SPAG17: variants seen among roughly 807,000 people sequenced by gnomAD.
The protein encoded by SPAG17 is sperm associated antigen 17.
Under a neutral mutation model 273.6 loss-of-function variants are expected in SPAG17, and 169 were observed. The ratio of observed to expected loss-of-function variants is 0.62; its 90% CI spans 0.55 to 0.70. The LOEUF (loss-of-function observed/expected upper bound fraction) is 0.70. Among genes scored for constraint, SPAG17 ranks in the 30% least tolerant of loss-of-function variants. SPAG17 has a pLI of 0.00. For synonymous variants in SPAG17, 825 were observed against 873.2 expected (o/e 0.94, Z 0.97); for missense variants, 2,557 against 2,627.8 (o/e 0.97, Z 0.59).
chr1:118,043,848 T>C (rs1013562982), intron 20 of SPAG17, among the ~76,000 whole-genome samples: 2 of 152,250 alleles, frequency 1.3e-5, no homozygotes, highest in African/African-American at 4.8e-5. Context: ...GCTAATGTTA[T>C]TGACAAATGA....
chr1:118,162,569 C>T (rs904640842), intron 1 of SPAG17, among the ~76,000 whole-genome samples: 2 of 152,158 alleles, frequency 1.3e-5, no homozygotes, highest in Non-Finnish European at 2.9e-5. Context: ...AAACGTATTT[C>T]GCAGCTATGA....
intron 39 of SPAG17, 78 bp from the exon 40 acceptor site, chr1:117,987,959 C>T: frequency 2.0e-6 from 3 of 1,525,986 alleles, no homozygotes; most frequent in Non-Finnish European, 2.7e-6. Flanking sequence ...ACCCTCACCA[C>T]TATATGATGA....
At chr1:118,055,674 A>AAG (rs1651587331) in intron 19 of SPAG17, 59 bp downstream of exon 19, 4 of 1,342,226 alleles carry the variant, frequency 3.0e-6, no homozygotes, top group Admixed American at 4.1e-5. Context: ...TGATTAAATT[A>AAG]AGAGAGAGAA....
intron 43 of SPAG17, among the ~76,000 whole-genome samples, chr1:117,977,403 G>T (rs1202639002): frequency 6.6e-6 from 1 of 152,172 alleles, no homozygotes; most frequent in Non-Finnish European, 1.5e-5. Context: ...AGAATTAAGA[G>T]TCTTAAAACT....
At chr1:118,024,835 A>T (rs1195447256) in intron 27 of SPAG17, among the ~76,000 whole-genome samples, 1 of 152,146 alleles carries the variant, frequency 6.6e-6, no homozygotes, top group Non-Finnish European at 1.5e-5. Context: ...AACTTTGTGC[A>T]TATTTCTCCA....
At chr1:118,131,065 T>TGTG (rs1481101867) in intron 3 of SPAG17, among the ~76,000 whole-genome samples, 1 of 152,208 alleles carries the variant, frequency 6.6e-6, no homozygotes, top group Non-Finnish European at 1.5e-5. Flanking sequence ...AGCTATGAGG[T>TGTG]GTGAGCCAGA....
intron 15 of SPAG17, among the ~76,000 whole-genome samples, chr1:118,079,400 T>A (rs916059642): frequency 6.6e-6 from 1 of 152,072 alleles, no homozygotes. Flanking sequence ...GAGGGAAGTC[T>A]CTGTTTCTTT....
At chr1:118,148,144 G>C (rs1013968788) in intron 3 of SPAG17, among the ~76,000 whole-genome samples, 2 of 150,816 alleles carry the variant, frequency 1.3e-5, no homozygotes, top group African/African-American at 2.5e-5. Flanking sequence ...CCACAGTGCA[G>C]AGTTTCCTTT....
intron 3 of SPAG17, among the ~76,000 whole-genome samples, chr1:118,143,986 T>C (rs1658827937): frequency 6.6e-6 from 1 of 152,170 alleles, no homozygotes; most frequent in Non-Finnish European, 1.5e-5. Flanking sequence ...CCGGCTCCAC[T>C]GCATCACCAC....
rs530967884 is a variant in SPAG17 at position 118,026,975 on chromosome 1, A to G, written c.3730+1299T>C. 1.5e-3 allele frequency among the ~76,000 whole-genome samples: 226 copies of G among 152,336 alleles called. 1 individual carries two copies. Among genetic ancestry groups the G allele is most frequent in the African/African-American group, 5.1e-3 (214 of 41,582 alleles). On this transcript the variant is annotated intron_variant, in intron 26 of 48. Transcript: ENST00000336338. ...AAACAGATGAGCTATTATTAACTAC[A>G]TTGTCTACCCTAACATAAGGAGGAA...
chr1:117,987,781 T>C, intron 40 of SPAG17, 53 bp downstream of exon 40: 1 of 1,585,814 alleles, frequency 6.3e-7, no homozygotes, highest in Non-Finnish European at 8.6e-7. Context: ...CCATTCTCAG[T>C]CTATTACTCT....
chr1:118,023,594 A>AC, intron 27 of SPAG17, 131 bp from the exon 28 acceptor site: 1 of 688,946 alleles, frequency 1.5e-6, no homozygotes, highest in Non-Finnish European at 2.2e-6. Flanking sequence ...AGACCTCCAG[A>AC]CCCAGCAGCA....
intron 45 of SPAG17, 191 bp downstream of exon 45, chr1:117,971,672 C>A: frequency 2.3e-6 from 1 of 441,738 alleles, no homozygotes; most frequent in Non-Finnish European, 3.9e-6. Context: ...TAATTGGAAC[C>A]CGATAAACAC....
chr1:118,121,439 G>A (rs1046513521), intron 3 of SPAG17, among the ~76,000 whole-genome samples: 6 of 152,160 alleles, frequency 3.9e-5, no homozygotes, highest in Admixed American at 2.0e-4. Flanking sequence ...GTTAGGAACT[G>A]GGCCACATGG....
intron 30 of SPAG17, 75 bp downstream of exon 30, chr1:118,012,153 A>G: frequency 7.0e-7 from 1 of 1,432,854 alleles, no homozygotes. Flanking sequence ...TATGTTCAGC[A>G]GTCAGTGAGG....
intron 31 of SPAG17, among the ~76,000 whole-genome samples, chr1:118,006,660 A>C (rs562213314): frequency 1.3e-5 from 2 of 152,346 alleles, no homozygotes; most frequent in African/African-American, 4.8e-5. Flanking sequence ...GGAAGTGCCA[A>C]GTTGTTTTCC....
intron 3 of SPAG17, among the ~76,000 whole-genome samples, chr1:118,129,499 G>A (rs1222309327): frequency 6.6e-6 from 1 of 152,142 alleles, no homozygotes; most frequent in East Asian, 1.9e-4. Context: ...CGCTAGATTT[G>A]AGAACCATTG....
At chr1:117,971,529 T>C (rs1654555948) in intron 45 of SPAG17, among the ~76,000 whole-genome samples, 1 of 151,850 alleles carries the variant, frequency 6.6e-6, no homozygotes, top group Non-Finnish European at 1.5e-5. Context: ...GACTTTCAAT[T>C]ATTGTGCATT....
chr1:118,054,811 G>A (rs970256511), intron 19 of SPAG17, among the ~76,000 whole-genome samples: 1 of 151,680 alleles, frequency 6.6e-6, no homozygotes, highest in Admixed American at 6.6e-5. Flanking sequence ...CAACCATTTT[G>A]GTCAATATGG....
Sources: gnomAD v4.1 joint callset for allele counts (sites outside exome capture counted in the v4.1 genomes callset) on GRCh38, gnomAD v4.1.1 for gene constraint, MANE v1.5 for transcripts, NCBI Gene and HGNC (gene_info 2026-07-23, HGNC 2026-07-21) for gene names.